The following FRMPD2 variants were observed in gnomAD, a reference collection of about 807,000 sequenced individuals.
FRMPD2 encodes FERM and PDZ domain containing 2, also known as FERM and PDZ domain-containing protein 2.
Under a neutral mutation model 140.1 loss-of-function variants are expected in FRMPD2, and 96 were observed. The ratio of observed to expected loss-of-function variants is 0.69; its 90% CI spans 0.58 to 0.81. The LOEUF (loss-of-function observed/expected upper bound fraction) is 0.81. Ranked by LOEUF, FRMPD2 falls within the 40% of genes least tolerant of loss-of-function variation. FRMPD2 has a pLI of 0.00. For missense variants in FRMPD2, 1,240 were observed against 1,447.4 expected, an observed-to-expected ratio of 0.86 and a Z score of 2.32; for synonymous variants, 449 against 547.6, an observed-to-expected ratio of 0.82 and a Z score of 2.52.
At chr10:48,273,649 C>T (rs1413323068) in intron 1 of FRMPD2, among the ~76,000 whole-genome samples, 1 of 152,134 alleles carries the variant, frequency 6.6e-6, no homozygotes, top group Non-Finnish European at 1.5e-5. Context: ...CTATCACCGC[C>T]AGTTTTCATG....
chr10:48,263,382 A>G (rs924289512), intron 1 of FRMPD2, among the ~76,000 whole-genome samples: 2 of 152,140 alleles, frequency 1.3e-5, no homozygotes, highest in African/African-American at 4.8e-5. Context: ...AAAGCAGATT[A>G]TTTGAAAACA....
intron 8 of FRMPD2, among the ~76,000 whole-genome samples, chr10:48,236,803 G>A (rs1044540261): frequency 3.9e-5 from 6 of 152,028 alleles, no homozygotes; most frequent in Admixed American, 3.3e-4. Flanking sequence ...GGGGTGTTCG[G>A]GGTGAATTAT....
Position 48,222,348 on chromosome 10 carries a change from C to A in FRMPD2, c.1420G>T (p.Ala474Ser), listed in dbSNP as rs1839617458. Residue 474 changes from alanine (A) to serine (S), a missense_variant, in exon 12 of 29, where the codon GCC becomes TCC. This residue lies in a region of FRMPD2 where 1,161 missense variants were observed against 1,055.9 expected (regional missense o/e 1.10). Coordinates refer to ENST00000374201, the MANE Select transcript of FRMPD2 (RefSeq NM_001018071.4). ...TAATTGCCAAACTCAGCCTGCAAGGCAAGGACCCCCAGCTGCAGCAGTATC... is the reference window on the plus strand; with the variant it reads ...TAATTGCCAAACTCAGCCTGCAAGGAAAGGACCCCCAGCTGCAGCAGTATC... Reference protein sequence around the residue: ...EEILLQLGVLALQAEFGNYPK... With the variant: ...EEILLQLGVLSLQAEFGNYPK... 6.2e-7 allele frequency: 1 copy of A among 1,614,020 alleles called. No individual in the cohort carries two copies. Among genetic ancestry groups the A allele is most frequent in the African/African-American group, 1.3e-5 (1 of 74,934 alleles).
chr10:48,255,403 G>A (rs1311525956), intron 1 of FRMPD2, among the ~76,000 whole-genome samples: 1 of 152,140 alleles, frequency 6.6e-6, no homozygotes, highest in African/African-American at 2.4e-5. Flanking sequence ...GCTTCCACTT[G>A]GGCCTCCCTC....
chr10:48,269,489 G>T (rs1324531556), intron 1 of FRMPD2, among the ~76,000 whole-genome samples: 1 of 152,208 alleles, frequency 6.6e-6, no homozygotes, highest in Non-Finnish European at 1.5e-5. Context: ...GAGGGATGCA[G>T]AAGCTGAACA....
chr10:48,247,584 C>T (rs1287349584), intron 3 of FRMPD2, among the ~76,000 whole-genome samples: 1 of 152,204 alleles, frequency 6.6e-6, no homozygotes, highest in Non-Finnish European at 1.5e-5. Context: ...CAGCACAAAG[C>T]CATCCACAAG....
chr10:48,181,637 A>G (rs1554792682), intron 20 of FRMPD2, among the ~76,000 whole-genome samples: 8 of 152,028 alleles, frequency 5.3e-5, no homozygotes, highest in Admixed American at 3.3e-4. Context: ...CTGGCATAGA[A>G]CAAAGAAAAG....
intron 3 of FRMPD2, among the ~76,000 whole-genome samples, chr10:48,245,071 C>T (rs1449108616): frequency 2.6e-5 from 4 of 152,158 alleles, no homozygotes; most frequent in Admixed American, 6.5e-5. Flanking sequence ...TGGTGAAAGG[C>T]GTGAGAGAAA....
At chr10:48,210,176 T>G (rs1194973191) in intron 13 of FRMPD2, among the ~76,000 whole-genome samples, 1 of 152,096 alleles carries the variant, frequency 6.6e-6, no homozygotes, top group East Asian at 1.9e-4. Flanking sequence ...AGGCTCCCAA[T>G]GTGCTCTGGG....
chr10:48,227,976 A>G (rs1365171898), intron 10 of FRMPD2, among the ~76,000 whole-genome samples: 1 of 152,228 alleles, frequency 6.6e-6, no homozygotes, highest in Non-Finnish European at 1.5e-5. Flanking sequence ...GCAAAAGCGT[A>G]TGTATGTTTA....
intron 15 of FRMPD2, among the ~76,000 whole-genome samples, chr10:48,200,114 A>G (rs542595032): frequency 1.2e-4 from 18 of 151,696 alleles, no homozygotes; most frequent in Non-Finnish European, 2.4e-4. Context: ...AAATTGCTTT[A>G]TGTTTCATAA....
intron 10 of FRMPD2, among the ~76,000 whole-genome samples, chr10:48,225,594 T>C (rs1187883608): frequency 6.6e-6 from 1 of 152,230 alleles, no homozygotes; most frequent in Non-Finnish European, 1.5e-5. Flanking sequence ...GGGATGCACC[T>C]GTAGTCCTCT....
chr10:48,270,780 T>C lies in FRMPD2; in HGVS notation c.25+3763A>G, dbSNP rs117663016. The stretch of plus-strand genomic sequence containing the variant: ...CCACCTAACCCCTCAAGCCAAACAT[T>C]CAGACGACATTTTTGTCTCCTTCCC... On this transcript the variant is annotated intron_variant, in intron 1 of 28. Coordinates refer to ENST00000374201, the MANE Select transcript of FRMPD2 (RefSeq NM_001018071.4). Among the ~76,000 whole-genome samples the C allele has an allele frequency of 5.4e-3, 828 of 152,012 alleles. 4 individuals are homozygous for C. Among genetic ancestry groups the C allele is most frequent in the Non-Finnish European group, 8.3e-3 (565 of 67,974 alleles).
chr10:48,239,569 T>C, intron 7 of FRMPD2, 36 bp downstream of exon 7: 1 of 1,516,666 alleles, frequency 6.6e-7, no homozygotes, highest in Non-Finnish European at 9.2e-7. Flanking sequence ...ATGTCTCACA[T>C]CAAGTTCACA....
At chr10:48,254,773 G>A (rs1840455590) in intron 1 of FRMPD2, among the ~76,000 whole-genome samples, 1 of 152,212 alleles carries the variant, frequency 6.6e-6, no homozygotes. Context: ...GACTTGGCCA[G>A]TGTCACACAG....
chr10:48,264,352 T>A (rs1365926729), intron 1 of FRMPD2, among the ~76,000 whole-genome samples: 1 of 152,106 alleles, frequency 6.6e-6, no homozygotes, highest in Non-Finnish European at 1.5e-5. Context: ...TGTTCCGAGA[T>A]GATATGATTG....
chr10:48,257,054 G>A (rs1223310205), intron 1 of FRMPD2, among the ~76,000 whole-genome samples: 1 of 152,054 alleles, frequency 6.6e-6, no homozygotes. Flanking sequence ...AGGCTCTGAC[G>A]GAGAATCCTT....
intron 21 of FRMPD2, among the ~76,000 whole-genome samples, chr10:48,180,035 C>T (rs1838505220): frequency 6.6e-6 from 1 of 152,154 alleles, no homozygotes; most frequent in South Asian, 2.1e-4. Flanking sequence ...AGGAGCTGTG[C>T]TCTTTGTAGA....
intron 15 of FRMPD2, among the ~76,000 whole-genome samples, chr10:48,199,034 A>C (rs1839017313): frequency 6.6e-6 from 1 of 152,212 alleles, no homozygotes; most frequent in African/African-American, 2.4e-5. Context: ...GCAGGAGCTA[A>C]ACATTGATCA....
Sources: gnomAD v4.1 joint callset for allele counts (sites outside exome capture counted in the v4.1 genomes callset) on GRCh38, gnomAD v4.1.1 for gene constraint, gnomAD v4.1.1 regional missense constraint, MANE v1.5 for transcripts, NCBI Gene and HGNC (gene_info 2026-07-23, HGNC 2026-07-21) for gene names.